Variants in MAP7 observed in about 807,000 individuals in gnomAD.
MAP7 encodes microtubule associated protein 7.
In MAP7, 52 loss-of-function variants were observed where a neutral mutation model predicts 94.8. That is an observed-to-expected ratio of 0.55 (90% CI 0.44 to 0.69). The LOEUF (loss-of-function observed/expected upper bound fraction) is 0.69. Ranked by LOEUF, MAP7 falls within the 30% of genes least tolerant of loss-of-function variation. The pLI is 0.00. For missense variants in MAP7, 940 were observed against 964.6 expected, an observed-to-expected ratio of 0.97 and a Z score of 0.34; for synonymous variants, 350 against 357.0, an observed-to-expected ratio of 0.98 and a Z score of 0.22.
At chr6:136,446,974 C>T (rs1799550393) in intron 1 of MAP7, among the ~76,000 whole-genome samples, 1 of 152,186 alleles carries the variant, frequency 6.6e-6, no homozygotes, top group Non-Finnish European at 1.5e-5. Flanking sequence ...ACATCTCCCC[C>T]ACAAACATTT....
At chr6:136,507,496 A>G (rs2129021981) in intron 1 of MAP7, among the ~76,000 whole-genome samples, 1 of 151,970 alleles carries the variant, frequency 6.6e-6, no homozygotes, top group Non-Finnish European at 1.5e-5. Flanking sequence ...AAAAAAAGAA[A>G]AAACAAATTT....
intron 2 of MAP7, among the ~76,000 whole-genome samples, chr6:136,418,572 T>G (rs1445071696): frequency 6.6e-6 from 1 of 152,214 alleles, no homozygotes; most frequent in Non-Finnish European, 1.5e-5. Flanking sequence ...AAATGTGTTC[T>G]ACATCAAAGA....
intron 16 of MAP7, among the ~76,000 whole-genome samples, chr6:136,355,733 G>T (rs1284460097): frequency 1.3e-5 from 2 of 152,190 alleles, no homozygotes; most frequent in African/African-American, 4.8e-5. Context: ...AAGACAGGAA[G>T]ACTCATACAT....
intron 1 of MAP7, among the ~76,000 whole-genome samples, chr6:136,477,569 G>T (rs1811327330): frequency 2.0e-5 from 3 of 152,102 alleles, no homozygotes; most frequent in South Asian, 4.1e-4. Flanking sequence ...GACAAAGAAG[G>T]TCATTATTTA....
chr6:136,470,767 T>C (rs1808714726), intron 1 of MAP7, among the ~76,000 whole-genome samples: 2 of 152,090 alleles, frequency 1.3e-5, no homozygotes, highest in Admixed American at 6.5e-5. Flanking sequence ...TGATAGTGAA[T>C]GTATAAATGA....
intron 1 of MAP7, chr6:136,526,096 A>G: frequency 2.9e-6 from 4 of 1,393,034 alleles, no homozygotes; most frequent in Non-Finnish European, 2.8e-6. Context: ...TAGATCCCCT[A>G]TGGGTAAACA....
At chr6:136,495,453 TAC>T (rs55923280) in intron 1 of MAP7, among the ~76,000 whole-genome samples, 10,738 of 142,198 alleles carry the variant, frequency 0.076, 846 homozygotes, top group African/African-American at 0.21. Flanking sequence ...AGTGTGAGAA[TAC>T]ACACACACAC....
rs1211741366 is a variant in MAP7, at chr6:136,377,726, T to C, written c.751+29A>G. The C allele has an allele frequency of 2.6e-6, 4 of 1,546,512 alleles. No individual in the cohort carries two copies. In the African/African-American group the frequency reaches 5.4e-5, roughly 21 times the overall value. ...GCTTCAAAGGGAGGACTTGACCTCA[T>C]GGGGAAAGTTCCACCTGGACAGTTT... On this transcript the variant is annotated intron_variant, in intron 7 of 17. Coordinates refer to ENST00000354570, the MANE Select transcript of MAP7 (RefSeq NM_003980.6).
At chr6:136,451,748 A>C (rs150322154) in intron 1 of MAP7, among the ~76,000 whole-genome samples, 62 of 152,338 alleles carry the variant, frequency 4.1e-4, no homozygotes, top group Admixed American at 3.6e-3. Context: ...AAATGTCAAC[A>C]TTTACAGGAG....
intron 1 of MAP7, among the ~76,000 whole-genome samples, chr6:136,468,364 C>T (rs891432324): frequency 4.6e-5 from 7 of 152,024 alleles, no homozygotes; most frequent in South Asian, 4.2e-4. Context: ...CCTATTATGA[C>T]GCCAGTTTTA....
At chr6:136,530,061 G>A (rs1268641452) in intron 1 of MAP7, among the ~76,000 whole-genome samples, 2 of 152,192 alleles carry the variant, frequency 1.3e-5, no homozygotes, top group African/African-American at 4.8e-5. Context: ...TCCTAGACTT[G>A]TGTGACCATA....
At chr6:136,512,823 G>A (rs895629117) in intron 1 of MAP7, among the ~76,000 whole-genome samples, 8 of 151,536 alleles carry the variant, frequency 5.3e-5, no homozygotes, top group African/African-American at 1.9e-4. Context: ...GGGGTGCTGC[G>A]GCAATTTCTT....
intron 1 of MAP7, among the ~76,000 whole-genome samples, chr6:136,463,789 T>G (rs1806027165): frequency 6.6e-6 from 1 of 152,160 alleles, no homozygotes; most frequent in Admixed American, 6.5e-5. Context: ...AAACATGAAG[T>G]GTTGGAGCTG....
At chr6:136,404,055 T>C (rs1029967923) in intron 3 of MAP7, among the ~76,000 whole-genome samples, 90 of 150,480 alleles carry the variant, frequency 6.0e-4, no homozygotes, top group Non-Finnish European at 8.7e-4. Context: ...CTCTGACCCC[T>C]TTTTTTTTCC....
At chr6:136,498,546 T>TAAG (rs1177416932) in intron 1 of MAP7, among the ~76,000 whole-genome samples, 2 of 152,102 alleles carry the variant, frequency 1.3e-5, no homozygotes, top group Non-Finnish European at 2.9e-5. Context: ...CACATGCACC[T>TAAG]GTGTCTAAGG....
intron 1 of MAP7, among the ~76,000 whole-genome samples, chr6:136,516,779 T>G (rs1320032326): frequency 6.6e-6 from 1 of 152,130 alleles, no homozygotes; most frequent in African/African-American, 2.4e-5. Context: ...GAAGTCTTGG[T>G]GCTGAAAATA....
intron 15 of MAP7, among the ~76,000 whole-genome samples, chr6:136,357,489 C>A (rs569374918): frequency 2.0e-5 from 3 of 152,256 alleles, no homozygotes; most frequent in Non-Finnish European, 2.9e-5. Flanking sequence ...CTACCCCTCA[C>A]CCCCTTGCCC....
intron 3 of MAP7, among the ~76,000 whole-genome samples, chr6:136,411,070 T>C (rs1787288011): frequency 6.6e-6 from 1 of 152,232 alleles, no homozygotes. Context: ...AATCTCTAAG[T>C]GCTCTAGTCT....
chr6:136,405,718 G>A (rs1785384499), intron 3 of MAP7, among the ~76,000 whole-genome samples: 2 of 152,126 alleles, frequency 1.3e-5, no homozygotes, highest in South Asian at 2.1e-4. Flanking sequence ...TGAGGACACC[G>A]GTTGGGAGCC....
Sources: gnomAD v4.1 joint callset for allele counts (sites outside exome capture counted in the v4.1 genomes callset) on GRCh38, gnomAD v4.1.1 for gene constraint, MANE v1.5 for transcripts, NCBI Gene and HGNC (gene_info 2026-07-23, HGNC 2026-07-21) for gene names.